Variants in RWDD2A observed in about 807,000 individuals in gnomAD.
The protein encoded by RWDD2A is RWD domain-containing protein 2A.
In RWDD2A, 15 loss-of-function variants were observed where a neutral mutation model predicts 23.1. That is an observed-to-expected ratio of 0.65 (90% CI 0.43 to 1.00). The LOEUF (loss-of-function observed/expected upper bound fraction) is 1.00. Ranked by LOEUF, RWDD2A falls within the 50% of genes least tolerant of loss-of-function variation. The pLI is 0.00. For synonymous variants in RWDD2A, 103 were observed against 123.0 expected (o/e 0.84, Z 1.08); for missense variants, 310 against 341.7 (o/e 0.91, Z 0.73).
intron 2 of RWDD2A, among the ~76,000 whole-genome samples, chr6:83,194,905 A>G (rs1789500288): frequency 6.6e-6 from 1 of 152,142 alleles, no homozygotes; most frequent in South Asian, 2.1e-4. Context: ...TATTTTGTTC[A>G]CCCATCCAGT....
chr6:83,194,254 A>C (rs970501376), intron 1 of RWDD2A, 58 bp from the exon 2 acceptor site: 3 of 578,590 alleles, frequency 5.2e-6, no homozygotes, highest in Non-Finnish European at 9.2e-6. Flanking sequence ...TGTTGTGCAT[A>C]CTAGATTTTG....
chr6:83,196,350 TG>T lies in RWDD2A; in HGVS notation c.*80del, dbSNP rs1789588564. ...AATAAGACCAAATTAAAAAGGCTAG[TG>T]GCTGTGTAGCATCCTCAGTGCAAAA... On this transcript the variant is annotated 3_prime_UTR_variant, in exon 3 of 3. Coordinates refer to ENST00000369724, the MANE Select transcript of RWDD2A (RefSeq NM_033411.5). 8.0e-7 allele frequency: 1 copy of T among 1,250,626 alleles called. No homozygotes were observed. Among genetic ancestry groups the T allele is most frequent in the Non-Finnish European group, 1.1e-6 (1 of 914,414 alleles). 77.5% of individuals were successfully genotyped at this position (1,250,626 alleles called of 1,614,324 possible).
In RWDD2A at chr6:83,195,576, A is replaced by G. The variant is rs781324687; in HGVS notation, c.202-19A>G. 1.4e-5 allele frequency: 23 copies of G among 1,595,412 alleles called. 1 individual carries two copies. The highest frequency in any genetic ancestry group is 1.7e-6 in the Non-Finnish European group (2 of 1,165,158). ...ATGTGATGTTATGGTATTTAAATCT[A>G]TTTGATTTTCATTTTAAGGTGAAAA... On this transcript the variant is annotated intron_variant, in intron 2 of 2. Transcript: ENST00000369724.
rs1382981241 is a variant in RWDD2A at position 83,196,884 on chromosome 6, C to A, written c.*612C>A. On this transcript the variant is annotated 3_prime_UTR_variant, in exon 3 of 3. Coordinates refer to ENST00000369724, the MANE Select transcript of RWDD2A (RefSeq NM_033411.5). The stretch of plus-strand genomic sequence containing the variant: ...TATATTTTTAGTAGAGACAGGGTTT[C>A]ATCATGTTGGCTAGGATGGTCTCAA... 5 of 152,318 alleles carry A rather than the reference C, an allele frequency of 3.3e-5. No homozygotes were observed. The highest frequency in any genetic ancestry group is 1.2e-4 in the African/African-American group (5 of 41,578). 9.4% of individuals were successfully genotyped at this position (152,318 alleles called of 1,614,324 possible). A position where few individuals can be genotyped will look rare whatever the true frequency, so the allele number is the denominator to read the frequency against.
rs1789619948 is a variant in RWDD2A at position 83,197,204 on chromosome 6, C to T, written c.*932C>T. The T allele has an allele frequency of 1.3e-5, 2 of 152,148 alleles. No homozygotes were observed. The highest frequency in any genetic ancestry group is 4.8e-5 in the African/African-American group (2 of 41,430). 9.4% of individuals were successfully genotyped at this position (152,148 alleles called of 1,614,324 possible). A position where few individuals can be genotyped will look rare whatever the true frequency, so the allele number is the denominator to read the frequency against. ...TCCAGAAAAGATAAACACATGGTTC[C>T]TTGTCTACAAAGTATTCGCCTGTTT... is the stretch of plus-strand genomic sequence containing the variant. On this transcript the variant is annotated 3_prime_UTR_variant, in exon 3 of 3. Coordinates refer to ENST00000369724, the MANE Select transcript of RWDD2A (RefSeq NM_033411.5).
Position 83,196,364 on chromosome 6 carries a change from C to T in RWDD2A, c.*92C>T, listed in dbSNP as rs1222766493. On this transcript the variant is annotated 3_prime_UTR_variant, in exon 3 of 3. Coordinates refer to ENST00000369724, the MANE Select transcript of RWDD2A (RefSeq NM_033411.5). ...AAAAAGGCTAGTGGCTGTGTAGCAT[C>T]CTCAGTGCAAAACCCAGCTCCAGAA... 5.6e-6 allele frequency: 6 copies of T among 1,070,260 alleles called. No individual in the cohort carries two copies. The highest frequency in any genetic ancestry group is 7.8e-6 in the Non-Finnish European group (6 of 768,614). The allele number at this position is 1,070,260 out of a possible 1,614,324, so 66.3% of individuals were successfully genotyped here. A position where few individuals can be genotyped will look rare whatever the true frequency, so the allele number is the denominator to read the frequency against.
intron 2 of RWDD2A, 174 bp from the exon 3 acceptor site, chr6:83,195,421 C>A: frequency 1.6e-6 from 1 of 628,354 alleles, no homozygotes; most frequent in Non-Finnish European, 2.7e-6. Context: ...GCACCTGGCA[C>A]ACGTAGTTGT....
chr6:83,196,459 T>G lies in RWDD2A; in HGVS notation c.*187T>G. The G allele has an allele frequency of 2.6e-6, 1 of 377,566 alleles. No homozygotes were observed. The highest frequency in any genetic ancestry group is 4.7e-6 in the Non-Finnish European group (1 of 214,160). 23.4% of individuals were successfully genotyped at this position (377,566 alleles called of 1,614,324 possible). ...CCTTTAAACTTTATAACATTGCAAT[T>G]GTGATGTTATCTCTAGGTTTTTGTG... On this transcript the variant is annotated 3_prime_UTR_variant, in exon 3 of 3. Coordinates refer to ENST00000369724, the MANE Select transcript of RWDD2A (RefSeq NM_033411.5).
chr6:83,193,716 A>G (rs1789389499), intron 1 of RWDD2A: 1 of 152,740 alleles, frequency 6.5e-6, no homozygotes, highest in Admixed American at 6.5e-5. Flanking sequence ...CATCTCCCAA[A>G]CCTTTGAATC....
rs1789578958 is a variant in RWDD2A, at chr6:83,196,075, G to C, written c.682G>C (p.Glu228Gln). ...HISCKHAESVETEGNGEDLRL... is the reference protein window; with the variant it reads ...HISCKHAESVQTEGNGEDLRL... ...TTCCTGTAAGCATGCTGAAAGCGTG[G>C]AGACAGAAGGAAATGGTGAGGACCT... The change falls in exon 3 of 3, where the codon GAG (glutamate) becomes CAG (glutamine). Residue 228 changes from glutamate to glutamine, a missense_variant. Physicochemically the swap from Glu to Gln is conservative, Grantham distance 29. Coordinates refer to ENST00000369724, the MANE Select transcript of RWDD2A (RefSeq NM_033411.5). 1 of 1,613,640 alleles carries C rather than the reference G, an allele frequency of 6.2e-7. No individual in the cohort carries two copies. The highest frequency in any genetic ancestry group is 8.5e-7 in the Non-Finnish European group (1 of 1,179,744).
Position 83,193,364 on chromosome 6 carries a change from G to C in RWDD2A, c.-220G>C, listed in dbSNP as rs1382975954. 1 of 152,060 alleles carries C rather than the reference G, an allele frequency of 6.6e-6. No individual in the cohort carries two copies. Among genetic ancestry groups the C allele is most frequent in the Non-Finnish European group, 1.5e-5 (1 of 68,056 alleles). 9.4% of individuals were successfully genotyped at this position (152,060 alleles called of 1,614,324 possible). Reference sequence around the variant, plus strand: ...CCCCGCCCCCGCCTCGCCGCAGGTCGCGCGCAGCTGGCGCCTGAGGAACTG... The same window carrying C: ...CCCCGCCCCCGCCTCGCCGCAGGTCCCGCGCAGCTGGCGCCTGAGGAACTG... On this transcript the variant is annotated 5_prime_UTR_variant, in exon 1 of 3. Transcript: ENST00000369724.
chr6:83,194,787 A>C (rs994876025), intron 2 of RWDD2A, 135 bp downstream of exon 2: 7 of 669,152 alleles, frequency 1.0e-5, no homozygotes, highest in Non-Finnish European at 1.8e-5. Flanking sequence ...GGAATGCTCT[A>C]TAAATTGTCT....
Position 83,196,041 on chromosome 6 carries a change from G to T in RWDD2A, c.648G>T (p.Trp216Cys), listed in dbSNP as rs1184305519. ...EFWHTIRYPN[W>C]KHISCKHAES... ...GGCACACAATTAGGTACCCCAATTG[G>T]AAGCACATTTCCTGTAAGCATGCTG... The change falls in exon 3 of 3, where the codon TGG becomes TGT. Residue 216 changes from tryptophan to cysteine, a missense_variant. Coordinates refer to ENST00000369724, the MANE Select transcript of RWDD2A (RefSeq NM_033411.5). 2 of 1,613,760 alleles carry T rather than the reference G, an allele frequency of 1.2e-6. No individual in the cohort carries two copies. Among genetic ancestry groups the T allele is most frequent in the Non-Finnish European group, 1.7e-6 (2 of 1,179,836 alleles).
Position 83,198,398 on chromosome 6 carries a change from A to G in RWDD2A, c.*2126A>G, listed in dbSNP as rs565810043. 2.0e-4 allele frequency: 30 copies of G among 152,232 alleles called. No homozygotes were observed. The East Asian group carries it at 4.6e-3, about 23-fold the overall frequency. 9.4% of individuals were successfully genotyped at this position (152,232 alleles called of 1,614,324 possible). On this transcript the variant is annotated 3_prime_UTR_variant, in exon 3 of 3. Coordinates refer to ENST00000369724, the MANE Select transcript of RWDD2A (RefSeq NM_033411.5). ...AGCATTCTGCAATACTTTTTTTCCT[A>G]TCAGGAAAACTAATGCAGATAGTAT...
In RWDD2A at chr6:83,198,829, T is replaced by G. The variant is rs1054933833; in HGVS notation, c.*2557T>G. On this transcript the variant is annotated 3_prime_UTR_variant, in exon 3 of 3. Transcript: ENST00000369724. ...TGCTTGTAACTTAAGAATCTGGATA[T>G]TCTGTTTATTATATTCTTAAATGGT... 6.7e-6 allele frequency: 1 copy of G among 150,100 alleles called. No homozygotes were observed. The highest frequency in any genetic ancestry group is 1.5e-5 in the Non-Finnish European group (1 of 66,890). 9.3% of individuals were successfully genotyped at this position (150,100 alleles called of 1,614,324 possible).
At chr6:83,194,205 G>A (rs1453452098) in intron 1 of RWDD2A, 107 bp from the exon 2 acceptor site, 6 of 416,288 alleles carry the variant, frequency 1.4e-5, no homozygotes, top group Non-Finnish European at 2.6e-5. Flanking sequence ...CGGAGCCCGG[G>A]TACGCAGAAT....
At position 83,195,801 on chromosome 6, in the gene RWDD2A, G is replaced by A; in HGVS notation, c.408G>A (p.Leu136=). ...WLQDNSASYF[L]NRKLVYEPST... The stretch of plus-strand genomic sequence containing the variant: ...AGGACAACAGTGCATCTTATTTCCT[G>A]AACAGAAAGCTTGTATATGAACCAT... The change falls in exon 3 of 3, where the codon CTG becomes CTA. Residue 136 remains leucine (L), a synonymous_variant. Coordinates refer to ENST00000369724, the MANE Select transcript of RWDD2A (RefSeq NM_033411.5). The A allele has an allele frequency of 6.2e-7, 1 of 1,613,902 alleles. No individual in the cohort carries two copies. Among genetic ancestry groups the A allele is most frequent in the Middle Eastern group, 1.6e-4 (1 of 6,062 alleles).
In RWDD2A at chr6:83,195,613, G is replaced by A. The variant is rs1486172166; in HGVS notation, c.220G>A (p.Val74Met). Residue 74 changes from valine to methionine, a missense_variant, in exon 3 of 3, where the codon GTG becomes ATG. Transcript: ENST00000369724. ...TTTTAAGGTGAAAATTGATTTGCAA[G>A]TGACCATGCCTCACAGCTACCCCTA... ...EEPKVKIDLQ[V>M]TMPHSYPYVA... 6.2e-7 allele frequency: 1 copy of A among 1,607,654 alleles called. No individual in the cohort carries two copies. The highest frequency in any genetic ancestry group is 2.2e-5 in the East Asian group (1 of 44,690).
At position 83,198,427 on chromosome 6, in the gene RWDD2A, G is replaced by A. The variant is rs1789674426; in HGVS notation, c.*2155G>A. 6.6e-6 allele frequency: 1 copy of A among 151,996 alleles called. No homozygotes were observed. Among genetic ancestry groups the A allele is most frequent in the African/African-American group, 2.4e-5 (1 of 41,344 alleles). The allele number at this position is 151,996 out of a possible 1,614,324, so 9.4% of individuals were successfully genotyped here. A position where few individuals can be genotyped will look rare whatever the true frequency, so the allele number is the denominator to read the frequency against. On this transcript the variant is annotated 3_prime_UTR_variant, in exon 3 of 3. Coordinates refer to ENST00000369724, the MANE Select transcript of RWDD2A (RefSeq NM_033411.5). ...GGAAAACTAATGCAGATAGTATTATGGGGACGTGTAGGTTTTATAGAAAAA... is the reference window on the plus strand; with the variant it reads ...GGAAAACTAATGCAGATAGTATTATAGGGACGTGTAGGTTTTATAGAAAAA...
Sources: gnomAD v4.1 joint callset for allele counts (sites outside exome capture counted in the v4.1 genomes callset) on GRCh38, gnomAD v4.1.1 for gene constraint, MANE v1.5 for transcripts, NCBI Gene and HGNC (gene_info 2026-07-23, HGNC 2026-07-21) for gene names.